The following LARP1 variants were observed in gnomAD, a reference collection of about 807,000 sequenced individuals.
LARP1 encodes La ribonucleoprotein 1, translational regulator, also known as la-related protein 1.
Under a neutral mutation model 122.7 loss-of-function variants are expected in LARP1, and 36 were observed. The observed-to-expected ratio is 0.29, with a 90% CI of 0.22 to 0.39. The LOEUF (loss-of-function observed/expected upper bound fraction) is 0.39. Among genes scored for constraint, LARP1 ranks in the 10% least tolerant of loss-of-function variants. LARP1 has a pLI of 1.00. For synonymous variants in LARP1, 539 were observed against 528.7 expected (o/e 1.02, Z -0.27); for missense variants, 1,040 against 1,403.6 (o/e 0.74, Z 4.14).
chr5:154,795,460 C>A, intron 8 of LARP1, 141 bp downstream of exon 8: 2 of 737,208 alleles, frequency 2.7e-6, no homozygotes, highest in Non-Finnish European at 4.3e-6. Flanking sequence ...TAGTCTCCTC[C>A]TCTCCCTCCT....
Position 154,814,264 on chromosome 5 carries a change from A to C in LARP1, c.*168A>C, listed in dbSNP as rs1582503887. The C allele has an allele frequency of 3.2e-6, 2 of 631,070 alleles. No individual in the cohort carries two copies. The highest frequency in any genetic ancestry group is 2.7e-6 in the Non-Finnish European group (1 of 366,036). The allele number at this position is 631,070 out of a possible 1,614,324, so 39.1% of individuals were successfully genotyped here. On this transcript the variant is annotated 3_prime_UTR_variant, in exon 19 of 19. Coordinates refer to ENST00000518297, the MANE Select transcript of LARP1 (RefSeq NM_033551.3). ...ATACACCATTTGGGCTATCAGAGGT[A>C]CCCCTGGGCAGGAGCCTCTACATCC...
At chr5:154,741,931 GC>G (rs1219316247) in intron 1 of LARP1, among the ~76,000 whole-genome samples, 1 of 152,176 alleles carries the variant, frequency 6.6e-6, no homozygotes, top group Non-Finnish European at 1.5e-5. Context: ...GCCCAGCCCA[GC>G]TTTTCCTTGT....
intron 1 of LARP1, among the ~76,000 whole-genome samples, chr5:154,733,269 A>G (rs965109882): frequency 6.6e-6 from 1 of 152,226 alleles, no homozygotes; most frequent in Non-Finnish European, 1.5e-5. Context: ...AAGTTACGAC[A>G]CCGTGTTGGT....
At chr5:154,702,934 A>G (rs958122446) in intron 1 of LARP1, among the ~76,000 whole-genome samples, 3 of 151,884 alleles carry the variant, frequency 2.0e-5, no homozygotes, top group South Asian at 4.2e-4. Flanking sequence ...CCTGGCCAAC[A>G]TGGAGAAACC....
At chr5:154,796,986 G>C (rs1358331487) in intron 8 of LARP1, among the ~76,000 whole-genome samples, 2 of 152,080 alleles carry the variant, frequency 1.3e-5, no homozygotes, top group African/African-American at 4.8e-5. Flanking sequence ...TAATGGATTG[G>C]ATCAAATTGT....
At chr5:154,728,604 T>A (rs1299224635) in intron 1 of LARP1, among the ~76,000 whole-genome samples, 1 of 151,820 alleles carries the variant, frequency 6.6e-6, no homozygotes, top group Non-Finnish European at 1.5e-5. Flanking sequence ...AGTATATGAG[T>A]GAGGCATGGA....
chr5:154,789,577 C>T (rs1368205917), intron 1 of LARP1, among the ~76,000 whole-genome samples: 1 of 152,176 alleles, frequency 6.6e-6, no homozygotes, highest in Non-Finnish European at 1.5e-5. Context: ...AGATCATTAT[C>T]TTTTTCATAA....
intron 8 of LARP1, among the ~76,000 whole-genome samples, chr5:154,797,946 A>G (rs1758022522): frequency 6.6e-6 from 1 of 152,164 alleles, no homozygotes; most frequent in African/African-American, 2.4e-5. Flanking sequence ...CGGCTTCCAA[A>G]GTGTTGGGAT....
At chr5:154,705,276 T>G (rs1754897434) in intron 1 of LARP1, among the ~76,000 whole-genome samples, 1 of 152,208 alleles carries the variant, frequency 6.6e-6, no homozygotes, top group African/African-American at 2.4e-5. Flanking sequence ...TCAGAATGGC[T>G]GTTATTAAAA....
At chr5:154,775,990 G>A (rs1175957275) in intron 1 of LARP1, among the ~76,000 whole-genome samples, 1 of 152,154 alleles carries the variant, frequency 6.6e-6, no homozygotes, top group Non-Finnish European at 1.5e-5. Flanking sequence ...GTAAGTGGTG[G>A]CCATTATTAC....
chr5:154,686,175 C>T (rs921833748), intron 1 of LARP1, among the ~76,000 whole-genome samples: 1 of 152,192 alleles, frequency 6.6e-6, no homozygotes, highest in Admixed American at 6.5e-5. Flanking sequence ...ATTTCAGGAG[C>T]TCATTCTGTA....
At chr5:154,714,202 A>G (rs1323695375) in intron 1 of LARP1, among the ~76,000 whole-genome samples, 1 of 152,236 alleles carries the variant, frequency 6.6e-6, no homozygotes, top group Admixed American at 6.5e-5. Flanking sequence ...CAGATTTAAA[A>G]ATACATTTTG....
intron 1 of LARP1, among the ~76,000 whole-genome samples, chr5:154,740,994 A>G (rs922977815): frequency 6.6e-6 from 1 of 152,204 alleles, no homozygotes; most frequent in Admixed American, 6.5e-5. Context: ...CCTCAGGGGC[A>G]CTGGGATCAA....
chr5:154,816,026 G>A lies in LARP1; in HGVS notation c.*1930G>A, dbSNP rs900087654. 1 of 152,468 alleles carries A rather than the reference G, an allele frequency of 6.6e-6. No homozygotes were observed. The highest frequency in any genetic ancestry group is 1.5e-5 in the Non-Finnish European group (1 of 68,052). The allele number at this position is 152,468 out of a possible 1,614,324, so 9.4% of individuals were successfully genotyped here. A position where few individuals can be genotyped will look rare whatever the true frequency, so the allele number is the denominator to read the frequency against. On this transcript the variant is annotated 3_prime_UTR_variant, in exon 19 of 19. Coordinates refer to ENST00000518297, the MANE Select transcript of LARP1 (RefSeq NM_033551.3). ...GGAGTAGGAGACAGTATCCCAGGCT[G>A]ACAAGGGCTTGCCCTTTACCTTGGG...
chr5:154,795,256 C>T lies in LARP1; in HGVS notation c.1314C>T (p.Ile438=), dbSNP rs148041086. 4.3e-6 allele frequency: 7 copies of T among 1,614,018 alleles called. No homozygotes were observed. Among genetic ancestry groups the T allele is most frequent in the Admixed American group, 3.3e-5 (2 of 60,026 alleles). Residue 438 remains isoleucine (I), a synonymous_variant, in exon 8 of 19, where the codon ATC becomes ATT. Coordinates refer to ENST00000518297, the MANE Select transcript of LARP1 (RefSeq NM_033551.3). The stretch of plus-strand genomic sequence containing the variant: ...TGGATGCTGATGGTTTCCTACCCAT[C>T]ACCCTTATTGCTTCCTTCCACCGAG... ...RKMDADGFLP[I]TLIASFHRVQ... is the part of the protein sequence containing the mutation.
At chr5:154,711,487 A>G (rs950867173), upstream of LARP1, among the ~76,000 whole-genome samples, 8 of 152,132 alleles carry the variant, frequency 5.3e-5, no homozygotes, top group Non-Finnish European at 7.4e-5. Context: ...GGGAGTTTAC[A>G]TATGTCTACA....
rs1231044422 is a variant in LARP1, at chr5:154,803,938, AC to A, written c.2439+197del. On this transcript the variant is annotated intron_variant, in intron 13 of 18. Coordinates refer to ENST00000518297, the MANE Select transcript of LARP1 (RefSeq NM_033551.3). The surrounding 1 kb of genome is among the most constrained non-coding windows in gnomAD (Gnocchi z 4.4). ...AAATATACTGGGTGTGGGAGTGGTA[AC>A]CCCATGTTGAAAGGCCTAAGGAGGA... is the stretch of plus-strand genomic sequence containing the variant. Among the ~76,000 whole-genome samples, 1 of 152,068 alleles carries A rather than the reference AC, an allele frequency of 6.6e-6. No individual in the cohort carries two copies. Among genetic ancestry groups the A allele is most frequent in the Non-Finnish European group, 1.5e-5 (1 of 68,002 alleles).
At position 154,792,720 on chromosome 5, in the gene LARP1, A is replaced by G; in HGVS notation, c.663A>G (p.Pro221=). ...KGEGSDSKES[P]KTKSDESGEE... is the part of the protein sequence containing the mutation. ...AAGGGAGTGATAGTAAGGAGAGTCC[A>G]AAAACCAAATCAGATGAATCAGGGG... The change falls in exon 4 of 19, where the codon CCA becomes CCG. Residue 221 remains proline, a synonymous_variant. Transcript: ENST00000518297. 6.2e-7 allele frequency: 1 copy of G among 1,614,160 alleles called. No homozygotes were observed. The highest frequency in any genetic ancestry group is 1.1e-5 in the South Asian group (1 of 91,084).
chr5:154,730,252 G>C (rs777685944), intron 1 of LARP1, among the ~76,000 whole-genome samples: 1 of 150,556 alleles, frequency 6.6e-6, no homozygotes, highest in Non-Finnish European at 1.5e-5. Flanking sequence ...GCAGTGGTGC[G>C]ATCTCGGCTC....
Sources: allele counts gnomAD v4.1 joint callset (sites outside exome capture counted in the v4.1 genomes callset), GRCh38; gene constraint gnomAD v4.1.1; non-coding constraint Gnocchi (gnomAD v3.1); transcripts MANE v1.5; gene names NCBI Gene and HGNC (gene_info 2026-07-23, HGNC 2026-07-21).